Variants in AHCYL2 observed in about 807,000 individuals in gnomAD.
The protein encoded by AHCYL2 is adenosylhomocysteinase like 2, also known as S-adenosylhomocysteine hydrolase-like protein 2.
In AHCYL2, 28 loss-of-function variants were observed where a neutral mutation model predicts 81.4. The observed-to-expected ratio is 0.34, with a 90% confidence interval of 0.25 to 0.47. The LOEUF (loss-of-function observed/expected upper bound fraction) is 0.47, where lower values mean the gene tolerates loss of function less well. Among genes scored for constraint, AHCYL2 ranks in the 20% least tolerant of loss-of-function variants. AHCYL2 has a pLI of 1.00. For missense variants in AHCYL2, 551 were observed against 785.1 expected (o/e 0.70, Z 3.56); for synonymous variants, 272 against 290.2 (o/e 0.94, Z 0.64).
intron 1 of AHCYL2, among the ~76,000 whole-genome samples, chr7:129,260,783 A>G (rs1414190228): frequency 2.0e-5 from 3 of 152,002 alleles, no homozygotes; most frequent in Non-Finnish European, 2.9e-5. Flanking sequence ...CACATGTTAA[A>G]ATTGGTTTCA....
chr7:129,297,980 G>T (rs1168785065), intron 1 of AHCYL2, among the ~76,000 whole-genome samples: 1 of 152,214 alleles, frequency 6.6e-6, no homozygotes, highest in Non-Finnish European at 1.5e-5. Context: ...AGTGAGCCAT[G>T]ATCCTGCCCC....
intron 1 of AHCYL2, among the ~76,000 whole-genome samples, chr7:129,266,090 T>A (rs1563172592): frequency 6.6e-6 from 1 of 152,196 alleles, no homozygotes; most frequent in Non-Finnish European, 1.5e-5. Flanking sequence ...GTGTAATCAG[T>A]GTCTTCCTGT....
At chr7:129,329,391 C>T (rs1056977691) in intron 1 of AHCYL2, among the ~76,000 whole-genome samples, 1 of 151,990 alleles carries the variant, frequency 6.6e-6, no homozygotes, top group Non-Finnish European at 1.5e-5. Flanking sequence ...CTATGTCGCC[C>T]AGACTGGTCT....
At chr7:129,227,817 T>C (rs1794283736) in intron 1 of AHCYL2, among the ~76,000 whole-genome samples, 1 of 152,140 alleles carries the variant, frequency 6.6e-6, no homozygotes, top group Non-Finnish European at 1.5e-5. Context: ...TGCCTTACAA[T>C]GTTAATTGCA....
intron 12 of AHCYL2, among the ~76,000 whole-genome samples, chr7:129,417,112 G>A (rs547157662): frequency 9.9e-5 from 15 of 152,160 alleles, no homozygotes; most frequent in Non-Finnish European, 2.2e-4. Context: ...GTGACAGAGT[G>A]AGACCCTGAC....
rs530387473 is a variant in AHCYL2 at position 129,280,916 on chromosome 7, G to A, written c.363+55477G>A. On this transcript the variant is annotated intron_variant, in intron 1 of 16. Transcript: ENST00000325006. Reference sequence around the variant, plus strand: ...GTCTCGCTCTGTCGCCCAGGCTGGAGTGCAGTGGTGCCATCTTGGCTCACT... The same window carrying A: ...GTCTCGCTCTGTCGCCCAGGCTGGAATGCAGTGGTGCCATCTTGGCTCACT... Among the ~76,000 whole-genome samples the A allele has an allele frequency of 1.6e-4, 22 of 139,372 alleles. No homozygotes were observed. The East Asian group carries it at 4.7e-3, about 30-fold the overall frequency. The allele number at this position is 139,372 out of a possible 152,430, so 91.4% of individuals were successfully genotyped here. A position where few individuals can be genotyped will look rare whatever the true frequency, so the allele number is the denominator to read the frequency against.
chr7:129,428,833 C>T lies in AHCYL2; in HGVS notation c.*1788C>T, dbSNP rs1240279061. ...ACAGTTCTTCAGAGGCCATATGTCT[C>T]AGCAAGTACTGGTTATATTCTTTTT... On this transcript the variant is annotated 3_prime_UTR_variant, in exon 17 of 17. Transcript: ENST00000325006. The T allele has an allele frequency of 6.6e-6, 1 of 152,220 alleles. No homozygotes were observed. The highest frequency in any genetic ancestry group is 2.4e-5 in the African/African-American group (1 of 41,454). The allele number at this position is 152,220 out of a possible 1,614,324, so 9.4% of individuals were successfully genotyped here. A position where few individuals can be genotyped will look rare whatever the true frequency, so the allele number is the denominator to read the frequency against.
chr7:129,357,172 G>C (rs1793761556), intron 1 of AHCYL2, among the ~76,000 whole-genome samples: 1 of 152,184 alleles, frequency 6.6e-6, no homozygotes, highest in African/African-American at 2.4e-5. Context: ...AACCAAAAGC[G>C]ATGTGGGATC....
At chr7:129,397,092 A>G in intron 4 of AHCYL2, 130 bp from the exon 5 acceptor site, 1 of 714,258 alleles carries the variant, frequency 1.4e-6, no homozygotes, top group Non-Finnish European at 2.3e-6. Flanking sequence ...GGTTCTGTAG[A>G]GCCCAATTTG....
At chr7:129,395,564 AG>A (rs376475101) in intron 4 of AHCYL2, among the ~76,000 whole-genome samples, 73 of 152,304 alleles carry the variant, frequency 4.8e-4, no homozygotes, top group African/African-American at 1.7e-3. Flanking sequence ...CCTCTCCCAG[AG>A]GCAGAGTTTT....
Position 129,426,029 on chromosome 7 carries a change from T to TA in AHCYL2, c.1709-413dup, listed in dbSNP as rs749362433. ...CATTTATCCCATTTAGTATCCTTCT[T>TA]AGTTTTTCCATTCAAGTTTCCCCAG... On this transcript the variant is annotated intron_variant, in intron 15 of 16. Coordinates refer to ENST00000325006, the MANE Select transcript of AHCYL2 (RefSeq NM_015328.4). This position sits in a 1 kb window ranked among gnomAD's most constrained non-coding sequence, Gnocchi z 4.3. Among the ~76,000 whole-genome samples the TA allele has an allele frequency of 6.6e-6, 1 of 152,258 alleles. No individual in the cohort carries two copies. The highest frequency in any genetic ancestry group is 1.5e-5 in the Non-Finnish European group (1 of 68,046).
chr7:129,301,792 T>G (rs2150763568), intron 1 of AHCYL2, among the ~76,000 whole-genome samples: 1 of 152,322 alleles, frequency 6.6e-6, no homozygotes, highest in East Asian at 1.9e-4. Flanking sequence ...AGTCAGGTCG[T>G]GTTATTCCTT....
At chr7:129,370,487 A>G (rs1253271963) in intron 1 of AHCYL2, among the ~76,000 whole-genome samples, 1 of 152,198 alleles carries the variant, frequency 6.6e-6, no homozygotes, top group Non-Finnish European at 1.5e-5. Context: ...TCACGAGGTC[A>G]GGAGATCAAG....
At chr7:129,375,893 C>T in intron 1 of AHCYL2, 1 of 1,536,076 alleles carries the variant, frequency 6.5e-7, no homozygotes, top group Non-Finnish European at 8.7e-7. Flanking sequence ...AGAAGAAATA[C>T]ATTGTTAATG....
intron 1 of AHCYL2, among the ~76,000 whole-genome samples, chr7:129,285,164 G>A (rs1796584796): frequency 6.6e-6 from 1 of 152,048 alleles, no homozygotes. Context: ...GGCCTCCCTC[G>A]TGTATTTATA....
intron 1 of AHCYL2, among the ~76,000 whole-genome samples, chr7:129,280,566 C>CTCGCTTTCTAGTCTAGATACTTTATA (rs1449840375): frequency 6.6e-6 from 1 of 152,112 alleles, no homozygotes; most frequent in Non-Finnish European, 1.5e-5. Flanking sequence ...TGAGTAAAGA[C>CTCGCTTTCTAGTCTAGATACTTTATA]AGTTTTACGA....
At chr7:129,405,754 C>T (rs1170906589) in intron 8 of AHCYL2, 82 bp from the exon 9 acceptor site, 3 of 1,298,230 alleles carry the variant, frequency 2.3e-6, no homozygotes. Context: ...CAAAAAACCC[C>T]ATGAAAACAA....
Position 129,407,147 on chromosome 7 carries a change from C to T in AHCYL2, c.1295+681C>T, listed in dbSNP as rs778474992. Among the ~76,000 whole-genome samples the T allele has an allele frequency of 9.9e-5, 15 of 152,016 alleles. No homozygotes were observed. The South Asian group carries it at 1.0e-3, about 11-fold the overall frequency. ...GGAGGATTGCTTGCGCCCAGGAGTTCGAGACCAGCCTTGGCAACATAGGGA... is the reference window on the plus strand; with the variant it reads ...GGAGGATTGCTTGCGCCCAGGAGTTTGAGACCAGCCTTGGCAACATAGGGA... On this transcript the variant is annotated intron_variant, in intron 10 of 16. Transcript: ENST00000325006.
At chr7:129,421,306 C>CT (rs535470786) in intron 12 of AHCYL2, among the ~76,000 whole-genome samples, 15 of 151,230 alleles carry the variant, frequency 9.9e-5, no homozygotes, top group African/African-American at 2.4e-4. Flanking sequence ...ATATGTCTGT[C>CT]TTTTTTTTGG....
Sources: gnomAD v4.1 joint callset for allele counts (sites outside exome capture counted in the v4.1 genomes callset) on GRCh38, gnomAD v4.1.1 for gene constraint, Gnocchi (gnomAD v3.1) non-coding constraint, MANE v1.5 for transcripts, NCBI Gene and HGNC (gene_info 2026-07-23, HGNC 2026-07-21) for gene names.